Variants in BPIFB2 observed in about 807,000 individuals in gnomAD.
BPIFB2 encodes the protein BPI fold-containing family B member 2.
In BPIFB2, 39 loss-of-function variants were observed where a neutral mutation model predicts 50.1. The ratio of observed to expected loss-of-function variants is 0.78; its 90% CI spans 0.60 to 1.02. BPIFB2 has a LOEUF of 1.02. BPIFB2 is among the 50% of genes least tolerant of loss of function. The pLI is 0.00. For synonymous variants in BPIFB2, 280 were observed against 256.3 expected, an observed-to-expected ratio of 1.09 and a Z score of -0.88; for missense variants, 574 against 585.8, an observed-to-expected ratio of 0.98 and a Z score of 0.21.
rs543279693 is a variant in BPIFB2, at chr20:33,019,088, C to T, written c.882C>T (p.Thr294=). 50 of 1,614,166 alleles carry T rather than the reference C, an allele frequency of 3.1e-5. No individual in the cohort carries two copies. In the South Asian group the frequency reaches 5.2e-4, roughly 17 times the overall value. Residue 294 remains threonine (T), a synonymous_variant, in exon 10 of 16, where the codon ACC becomes ACT. Transcript: ENST00000170150. ...QLRSDDNLLN[T]SALGRLIPEV... is the part of the protein sequence containing the mutation. ...GGTCGGATGACAACCTGCTGAACAC[C>T]TCTGCTCTGGGCCGGCTCATCCCGG...
intron 15 of BPIFB2, among the ~76,000 whole-genome samples, chr20:33,022,486 G>A (rs1410057905): frequency 1.3e-5 from 2 of 152,204 alleles, no homozygotes; most frequent in Non-Finnish European, 2.9e-5. Flanking sequence ...GAGGAGCAGG[G>A]CTCTGTGGGG....
At chr20:33,010,904 C>G (rs900319910) in intron 2 of BPIFB2, 120 bp from the exon 3 acceptor site, 9 of 850,222 alleles carry the variant, frequency 1.1e-5, no homozygotes, top group Middle Eastern at 4.6e-4. Flanking sequence ...TTGGAGTAAG[C>G]CTACCCCTTC....
intron 4 of BPIFB2, 101 bp from the exon 5 acceptor site, chr20:33,013,709 T>G (rs1301999694): frequency 2.0e-6 from 3 of 1,482,752 alleles, no homozygotes; most frequent in African/African-American, 2.8e-5. Flanking sequence ...CTGGGCCAAG[T>G]GGAGGGCAGG....
chr20:33,015,150 G>T (rs755122381), intron 5 of BPIFB2, among the ~76,000 whole-genome samples: 1 of 152,182 alleles, frequency 6.6e-6, no homozygotes, highest in Admixed American at 6.5e-5. Flanking sequence ...GCTGGCCAAG[G>T]TCATGGCCAA....
At chr20:33,020,623 C>A in intron 13 of BPIFB2, 36 bp downstream of exon 13, 1 of 1,571,772 alleles carries the variant, frequency 6.4e-7, no homozygotes, top group Non-Finnish European at 8.6e-7. Flanking sequence ...AAACCCCCGT[C>A]CTGGGTAGGG....
At chr20:33,019,213 G>T in intron 10 of BPIFB2, 98 bp downstream of exon 10, 1 of 1,464,448 alleles carries the variant, frequency 6.8e-7, no homozygotes. Context: ...TCTGTCCCAA[G>T]TGAAGTTCAG....
chr20:33,021,298 A>C lies in BPIFB2; in HGVS notation c.1212A>C (p.Thr404=). 6.2e-7 allele frequency: 1 copy of C among 1,613,952 alleles called. No homozygotes were observed. The highest frequency in any genetic ancestry group is 1.3e-5 in the African/African-American group (1 of 75,024). The change falls in exon 14 of 16, where the codon ACA becomes ACC. Residue 404 remains threonine (T), a synonymous_variant. Transcript: ENST00000170150. Reference sequence around the variant, plus strand: ...GGCCACAGACAGATCAGGTGCGCACACTGATGGGCACCGTTTTTGAGAAGC... The same window carrying C: ...GGCCACAGACAGATCAGGTGCGCACCCTGATGGGCACCGTTTTTGAGAAGC... ...VGFIDTDQVR[T]LMGTVFEKPL...
chr20:33,022,761 G>A (rs1978721271), intron 15 of BPIFB2, among the ~76,000 whole-genome samples: 2 of 152,152 alleles, frequency 1.3e-5, no homozygotes, highest in Admixed American at 1.3e-4. Context: ...CATGTAATTA[G>A]CCATAGGACT....
chr20:33,008,736 A>G, intron 2 of BPIFB2, 53 bp downstream of exon 2: 2 of 1,418,262 alleles, frequency 1.4e-6, no homozygotes, highest in Middle Eastern at 1.8e-4. Context: ...TGCGTGTGCA[A>G]TCCTAAGTGT....
At chr20:33,014,899 C>T (rs548740830) in intron 5 of BPIFB2, among the ~76,000 whole-genome samples, 5 of 152,244 alleles carry the variant, frequency 3.3e-5, no homozygotes, top group African/African-American at 9.6e-5. Flanking sequence ...CACCTCCCCC[C>T]CAGGGAGCTG....
At chr20:33,017,846 A>T (rs778824271) in intron 7 of BPIFB2, among the ~76,000 whole-genome samples, 2 of 152,170 alleles carry the variant, frequency 1.3e-5, no homozygotes, top group Non-Finnish European at 2.9e-5. Context: ...TGTAACGAGG[A>T]TTGAATGAGA....
intron 14 of BPIFB2, 27 bp downstream of exon 14, chr20:33,021,371 G>GGCCC (rs1370387641): frequency 1.3e-6 from 2 of 1,591,238 alleles, no homozygotes; most frequent in Non-Finnish European, 8.6e-7. Flanking sequence ...ACCCCAGCAG[G>GGCCC]GCCCCTCTGG....
Position 33,008,690 on chromosome 20 carries a change from G to T in BPIFB2, c.109+7G>T. ...AAGGCAGCATTGAGCTACGGTAAGC[G>T]GTGTGTTACCCAGTGAGTGTCTGTG... is the stretch of plus-strand genomic sequence containing the variant. On this transcript the variant is annotated splice_region_variant and intron_variant, in intron 2 of 15. Coordinates refer to ENST00000170150, the MANE Select transcript of BPIFB2 (RefSeq NM_025227.3). 1 of 1,590,532 alleles carries T rather than the reference G, an allele frequency of 6.3e-7. No homozygotes were observed. Among genetic ancestry groups the T allele is most frequent in the Non-Finnish European group, 8.6e-7 (1 of 1,167,312 alleles).
chr20:33,015,038 G>A (rs1176747689), intron 5 of BPIFB2, among the ~76,000 whole-genome samples: 2 of 152,170 alleles, frequency 1.3e-5, no homozygotes, highest in Non-Finnish European at 2.9e-5. Context: ...GATTTTATTA[G>A]GTGTGTCACA....
chr20:33,014,696 T>C (rs1188785688), intron 5 of BPIFB2, among the ~76,000 whole-genome samples: 1 of 152,226 alleles, frequency 6.6e-6, no homozygotes, highest in Non-Finnish European at 1.5e-5. Context: ...CTTAGAAGAA[T>C]GCAACGTATG....
chr20:33,021,753 G>C lies in BPIFB2; in HGVS notation c.1289G>C (p.Gly430Ala), dbSNP rs974740970. The C allele has an allele frequency of 4.3e-6, 7 of 1,613,990 alleles. No individual in the cohort carries two copies. The Admixed American group carries it at 1.0e-4, about 23-fold the overall frequency. The change falls in exon 15 of 16, where the codon GGT becomes GCT. Residue 430 changes from glycine (G) to alanine (A), a missense_variant. Gly to Ala is a moderately conservative substitution (Grantham distance 60). Transcript: ENST00000170150. ...ALLAMGIALP[G>A]VVNLHYVAPE... ...TTGGCCATGGGAATTGCCCTCCCTG[G>C]TGTGGTCAACCTCCACTATGTCGCC...
chr20:33,020,134 G>A (rs1325872163), intron 11 of BPIFB2, among the ~76,000 whole-genome samples, 194 bp from the exon 12 acceptor site: 1 of 152,208 alleles, frequency 6.6e-6, no homozygotes, highest in Non-Finnish European at 1.5e-5. Context: ...CTGGCGGCTC[G>A]TTCCCAGGGC....
chr20:33,021,489 A>G (rs989743513), intron 14 of BPIFB2, 145 bp downstream of exon 14: 3 of 989,450 alleles, frequency 3.0e-6, no homozygotes, highest in African/African-American at 3.2e-5. Context: ...CCATGTGTGC[A>G]TGCCCCTTGG....
rs1319583552 is a variant in BPIFB2 at position 33,009,979 on chromosome 20, G to T, written c.110-1045G>T. 6.6e-6 allele frequency among the ~76,000 whole-genome samples: 1 copy of T among 152,222 alleles called. No homozygotes were observed. Among genetic ancestry groups the T allele is most frequent in the Admixed American group, 6.5e-5 (1 of 15,286 alleles). On this transcript the variant is annotated intron_variant, in intron 2 of 15. Coordinates refer to ENST00000170150, the MANE Select transcript of BPIFB2 (RefSeq NM_025227.3). The surrounding 1 kb of genome is among the most constrained non-coding windows in gnomAD (Gnocchi z 4.2). ...GTGAGTTCCAGCTCAGCTGCAGATG[G>T]TTAGGTGGGAGAGGGGTGCTGGGAA...
Sources: gnomAD v4.1 joint callset for allele counts (sites outside exome capture counted in the v4.1 genomes callset) on GRCh38, gnomAD v4.1.1 for gene constraint, Gnocchi (gnomAD v3.1) non-coding constraint, MANE v1.5 for transcripts, NCBI Gene and HGNC (gene_info 2026-07-23, HGNC 2026-07-21) for gene names.